TSPAN19: variants seen among roughly 807,000 people sequenced by gnomAD.
TSPAN19 encodes tetraspanin 19, also known as tetraspanin-19.
In TSPAN19, 44 loss-of-function variants were observed where a neutral mutation model predicts 35.1. That is an observed-to-expected ratio of 1.25 (90% CI 0.98 to 1.61). The LOEUF (loss-of-function observed/expected upper bound fraction) is 1.61, where lower values mean the gene tolerates loss of function less well. TSPAN19 is among the 40% of genes most tolerant of loss of function. The pLI is 0.00. For missense variants in TSPAN19, 290 were observed against 280.0 expected, an observed-to-expected ratio of 1.04 and a Z score of -0.26; for synonymous variants, 79 against 92.0, an observed-to-expected ratio of 0.86 and a Z score of 0.81.
chr12:85,014,923 G>A (rs1262536461), intron 8 of TSPAN19: 2 of 158,590 alleles, frequency 1.3e-5, no homozygotes, highest in African/African-American at 4.8e-5. Flanking sequence ...TTTTTTTATA[G>A]ATAATGAAAG....
intron 1 of TSPAN19, among the ~76,000 whole-genome samples, chr12:85,030,582 C>G (rs1230902047): frequency 6.6e-6 from 1 of 151,892 alleles, no homozygotes; most frequent in Admixed American, 6.6e-5. Flanking sequence ...TCTTATATAC[C>G]ATTGTAACCT....
intron 8 of TSPAN19, 86 bp from the exon 9 acceptor site, chr12:85,014,641 T>C: frequency 1.0e-6 from 1 of 975,310 alleles, no homozygotes; most frequent in Non-Finnish European, 1.6e-6. Flanking sequence ...GTCACCAAAA[T>C]GCGTATTGTA....
intron 7 of TSPAN19, chr12:85,017,074 T>G (rs1195891632): frequency 5.1e-6 from 1 of 194,226 alleles, no homozygotes; most frequent in East Asian, 1.8e-4. Flanking sequence ...TGGGGTCCAC[T>G]CCCTTTAGTT....
chr12:85,029,954 C>T lies in TSPAN19; in HGVS notation c.-8G>A. The T allele has an allele frequency of 1.4e-6, 2 of 1,440,404 alleles. No homozygotes were observed. Among genetic ancestry groups the T allele is most frequent in the South Asian group, 1.3e-5 (1 of 75,278 alleles). The allele number at this position is 1,440,404 out of a possible 1,614,324, so 89.2% of individuals were successfully genotyped here. A position where few individuals can be genotyped will look rare whatever the true frequency, so the allele number is the denominator to read the frequency against. On this transcript the variant is annotated 5_prime_UTR_variant, in exon 2 of 9. Transcript: ENST00000532498. ...TTTGTTATTTCTTAACATTCTTTTT[C>T]TTCCAAGATATTGATGATTCTGAAA...
intron 4 of TSPAN19, 53 bp downstream of exon 4, chr12:85,027,846 A>G (rs1877488653): frequency 6.7e-7 from 1 of 1,493,384 alleles, no homozygotes; most frequent in Non-Finnish European, 9.0e-7. Flanking sequence ...TGTGTAACTT[A>G]GATACTTAAA....
chr12:85,028,629 G>C (rs2135813276), intron 3 of TSPAN19, among the ~76,000 whole-genome samples: 1 of 152,286 alleles, frequency 6.6e-6, no homozygotes, highest in South Asian at 2.1e-4. Context: ...AAACATGTGG[G>C]AGGTGTTATG....
Position 85,027,895 on chromosome 12 carries a change from G to A in TSPAN19, c.264+4C>T, listed in dbSNP as rs111583692. 8.3e-6 allele frequency: 13 copies of A among 1,558,024 alleles called. No individual in the cohort carries two copies. The highest frequency in any genetic ancestry group is 2.7e-5 in the African/African-American group (2 of 72,868). The stretch of plus-strand genomic sequence containing the variant: ...AATTCAAACTATTGACATGAAATAC[G>A]TACCACAATTAGGAGCCATCTGATT... On this transcript the variant is annotated splice_donor_region_variant and intron_variant, in intron 4 of 8. Transcript: ENST00000532498.
At chr12:85,032,136 A>T (rs1168238032) in intron 1 of TSPAN19, among the ~76,000 whole-genome samples, 10 of 152,164 alleles carry the variant, frequency 6.6e-5, no homozygotes. Flanking sequence ...TTCATGATTA[A>T]ATTTGAATTG....
chr12:85,031,664 C>T (rs569229533), intron 1 of TSPAN19, among the ~76,000 whole-genome samples: 2 of 152,270 alleles, frequency 1.3e-5, no homozygotes, highest in East Asian at 3.9e-4. Context: ...AAACTTGGAG[C>T]TAACTCTGGC....
intron 4 of TSPAN19, among the ~76,000 whole-genome samples, chr12:85,026,063 T>C (rs894937095): frequency 1.3e-5 from 2 of 152,208 alleles, no homozygotes; most frequent in Non-Finnish European, 2.9e-5. Context: ...ATCCTTATGA[T>C]GGCGTCTATC....
intron 4 of TSPAN19, 114 bp from the exon 5 acceptor site, chr12:85,023,514 G>T: frequency 1.4e-6 from 1 of 722,920 alleles, no homozygotes; most frequent in Non-Finnish European, 2.2e-6. Flanking sequence ...GTATATATGG[G>T]TATTGCTGAG....
chr12:85,033,878 C>T (rs1877793022), intron 1 of TSPAN19, among the ~76,000 whole-genome samples: 1 of 152,078 alleles, frequency 6.6e-6, no homozygotes, highest in East Asian at 1.9e-4. Context: ...AAGCTCTTAG[C>T]CCAGTGCCTG....
At position 85,029,877 on chromosome 12, in the gene TSPAN19, T is replaced by C. The variant is rs1877601632; in HGVS notation, c.66+4A>G. On this transcript the variant is annotated splice_donor_region_variant and intron_variant, in intron 2 of 8. Transcript: ENST00000532498. ...CTTTACTGTATAATTATGAAGATTC[T>C]TACCAAGAAAGCTCCATTAATGAGA... 2 of 1,495,512 alleles carry C rather than the reference T, an allele frequency of 1.3e-6. No individual in the cohort carries two copies. The highest frequency in any genetic ancestry group is 2.5e-5 in the South Asian group (2 of 79,262). 92.6% of individuals were successfully genotyped at this position (1,495,512 alleles called of 1,614,324 possible).
intron 4 of TSPAN19, chr12:85,024,685 G>A (rs1408535193): frequency 2.0e-5 from 3 of 152,858 alleles, no homozygotes; most frequent in Admixed American, 6.6e-5. Context: ...TCTGAGGCAG[G>A]AGAATCGCTT....
chr12:85,027,048 A>C (rs1027026470), intron 4 of TSPAN19, among the ~76,000 whole-genome samples: 1 of 152,162 alleles, frequency 6.6e-6, no homozygotes, highest in Non-Finnish European at 1.5e-5. Context: ...GCTATATTTC[A>C]TCTGAGTGTG....
chr12:85,029,472 A>G (rs978700919), intron 3 of TSPAN19, among the ~76,000 whole-genome samples: 2 of 152,090 alleles, frequency 1.3e-5, no homozygotes, highest in African/African-American at 4.8e-5. Flanking sequence ...ATTTGTGACT[A>G]TGTAATACAT....
chr12:85,025,168 C>T (rs1276114214), intron 4 of TSPAN19, among the ~76,000 whole-genome samples: 1 of 150,470 alleles, frequency 6.6e-6, no homozygotes, highest in Non-Finnish European at 1.5e-5. Flanking sequence ...TGGAGTCTCA[C>T]TCTGTGGCCC....
At chr12:85,036,135 C>G (rs1878015135) in intron 1 of TSPAN19, 69 bp downstream of exon 1, 1 of 152,178 alleles carries the variant, frequency 6.6e-6, no homozygotes, top group Non-Finnish European at 1.5e-5. Flanking sequence ...ATTACATCTA[C>G]TTGGGTAATT....
chr12:85,030,382 C>A (rs1877627903), intron 1 of TSPAN19, among the ~76,000 whole-genome samples: 1 of 151,808 alleles, frequency 6.6e-6, no homozygotes, highest in African/African-American at 2.4e-5. Context: ...CTTAATATAC[C>A]TTGTTCCCTT....
Sources: allele counts gnomAD v4.1 joint callset (sites outside exome capture counted in the v4.1 genomes callset), GRCh38; gene constraint gnomAD v4.1.1; transcripts MANE v1.5; gene names NCBI Gene and HGNC (gene_info 2026-07-23, HGNC 2026-07-21).